The following VCL variants were observed in gnomAD, a reference collection of about 807,000 sequenced individuals.
VCL encodes the protein vinculin.
A neutral mutation model predicts 125.7 loss-of-function variants in VCL; 47 were observed. That is an observed-to-expected ratio of 0.37 (90% CI 0.30 to 0.48). The LOEUF (loss-of-function observed/expected upper bound fraction) is 0.48. Among genes scored for constraint, VCL ranks in the 20% least tolerant of loss-of-function variants. The pLI is 0.99. For synonymous variants in VCL, 458 were observed against 514.6 expected (o/e 0.89, Z 1.49); for missense variants, 1,069 against 1,455.5 (o/e 0.73, Z 4.32).
chr10:74,071,460 G>A lies in VCL; in HGVS notation c.499+377G>A, dbSNP rs2136273164. On this transcript the variant is annotated intron_variant, in intron 4 of 21. Transcript: ENST00000211998. This position sits in a 1 kb window ranked among gnomAD's most constrained non-coding sequence, Gnocchi z 4.1. ...GCCTGTAGTTCTTTATGACCTCTTA[G>A]CTTGCTAATTAGCCTGCCTACTATT... Among the ~76,000 whole-genome samples, 1 of 152,250 alleles carries A rather than the reference G, an allele frequency of 6.6e-6. No individual in the cohort carries two copies. Among genetic ancestry groups the A allele is most frequent in the East Asian group, 1.9e-4 (1 of 5,176 alleles).
intron 2 of VCL, among the ~76,000 whole-genome samples, chr10:74,047,471 G>T (rs1841213253): frequency 6.6e-6 from 1 of 152,216 alleles, no homozygotes; most frequent in South Asian, 2.1e-4. Flanking sequence ...TATTGAGTAG[G>T]ACATTCTTTT....
At position 74,043,163 on chromosome 10, in the gene VCL, T is replaced by G; in HGVS notation, c.239+10T>G. The G allele has an allele frequency of 6.2e-7, 1 of 1,608,644 alleles. No homozygotes were observed. Among genetic ancestry groups the G allele is most frequent in the African/African-American group, 1.3e-5 (1 of 74,960 alleles). On this transcript the variant is annotated intron_variant, in intron 2 of 21. Coordinates refer to ENST00000211998, the MANE Select transcript of VCL (RefSeq NM_014000.3). ...CACCAGCATTTATTAAGTGAGTAAT[T>G]GAAATATTCTTCTGTTGCTAAGCAG...
intron 1 of VCL, among the ~76,000 whole-genome samples, chr10:74,009,758 C>T (rs1040624064): frequency 3.3e-5 from 5 of 151,858 alleles, no homozygotes; most frequent in Middle Eastern, 3.2e-3. Context: ...TACAGGCATG[C>T]GTCACCACAC....
chr10:74,070,577 T>G (rs1302705145), intron 2 of VCL, 93 bp from the exon 3 acceptor site: 2 of 1,571,454 alleles, frequency 1.3e-6, no homozygotes, highest in East Asian at 2.2e-5. Flanking sequence ...GGAAAAAAAC[T>G]GTGAATTTAC....
chr10:74,055,431 G>T (rs2136259839), intron 2 of VCL, among the ~76,000 whole-genome samples: 1 of 151,992 alleles, frequency 6.6e-6, no homozygotes, highest in Non-Finnish European at 1.5e-5. Context: ...TGCAGCCTCA[G>T]CCTCCTGGGC....
chr10:74,054,493 GA>G (rs1246325437), intron 2 of VCL, among the ~76,000 whole-genome samples: 5 of 152,238 alleles, frequency 3.3e-5, no homozygotes, highest in Admixed American at 6.5e-5. Flanking sequence ...CTTCATAAGT[GA>G]AAAATATCCT....
intron 11 of VCL, 109 bp downstream of exon 11, chr10:74,094,570 G>A: frequency 1.5e-6 from 2 of 1,295,870 alleles, no homozygotes; most frequent in Non-Finnish European, 2.2e-6. Flanking sequence ...TTCTTTAGCT[G>A]CTGATAAGTA....
intron 1 of VCL, among the ~76,000 whole-genome samples, chr10:74,030,136 G>A (rs1840847502): frequency 6.6e-6 from 1 of 152,186 alleles, no homozygotes; most frequent in African/African-American, 2.4e-5. Context: ...GAGCCAAATA[G>A]GCAATGAGTG....
chr10:74,071,480 A>G lies in VCL; in HGVS notation c.499+397A>G, dbSNP rs115861591. On this transcript the variant is annotated intron_variant, in intron 4 of 21. Transcript: ENST00000211998. The surrounding 1 kb of genome is among the most constrained non-coding windows in gnomAD (Gnocchi z 4.1). ...TCTTAGCTTGCTAATTAGCCTGCCT[A>G]CTATTATGGATTCATGCCCTCACCC... Among the ~76,000 whole-genome samples, 120 of 152,294 alleles carry G rather than the reference A, an allele frequency of 7.9e-4. No individual in the cohort carries two copies. The highest frequency in any genetic ancestry group is 3.4e-3 in the Middle Eastern group (1 of 294).
intron 1 of VCL, among the ~76,000 whole-genome samples, chr10:74,027,055 C>T (rs955641198): frequency 5.3e-5 from 8 of 152,080 alleles, no homozygotes; most frequent in Non-Finnish European, 1.2e-4. Context: ...AATGCATTTG[C>T]AGTTCTAGCT....
chr10:74,005,633 T>A (rs1468734511), intron 1 of VCL, among the ~76,000 whole-genome samples: 3 of 152,166 alleles, frequency 2.0e-5, no homozygotes, highest in African/African-American at 7.2e-5. Context: ...TTTTTGGAGA[T>A]GGGCAGTTAT....
At chr10:74,075,511 G>A (rs1208796283) in intron 6 of VCL, 1 of 153,690 alleles carries the variant, frequency 6.5e-6, no homozygotes, top group African/African-American at 2.4e-5. Context: ...TCTAGAGCCT[G>A]TTAGCAGTGG....
intron 2 of VCL, among the ~76,000 whole-genome samples, chr10:74,064,717 C>T (rs770743451): frequency 9.9e-5 from 15 of 152,034 alleles, no homozygotes; most frequent in Non-Finnish European, 2.1e-4. Context: ...CACAAAGACA[C>T]TTTTAAGTGT....
At chr10:74,117,692 G>A (rs1430495106) in intron 21 of VCL, among the ~76,000 whole-genome samples, 1 of 152,216 alleles carries the variant, frequency 6.6e-6, no homozygotes. Flanking sequence ...AAGGTGACAA[G>A]TGAGCAAAGA....
intron 1 of VCL, among the ~76,000 whole-genome samples, chr10:73,998,789 C>G (rs1308792558): frequency 6.6e-6 from 1 of 152,232 alleles, no homozygotes; most frequent in Non-Finnish European, 1.5e-5. Flanking sequence ...TAGGCCTCCT[C>G]GATCTGGCTG....
intron 1 of VCL, among the ~76,000 whole-genome samples, chr10:74,032,570 C>T (rs1375773586): frequency 1.3e-5 from 2 of 151,830 alleles, no homozygotes; most frequent in East Asian, 1.9e-4. Flanking sequence ...CATGGTGGCT[C>T]ATGCCTGTAG....
intron 21 of VCL, among the ~76,000 whole-genome samples, chr10:74,115,494 G>A (rs1840297939): frequency 6.6e-6 from 1 of 152,200 alleles, no homozygotes; most frequent in Non-Finnish European, 1.5e-5. Context: ...GGTCTAGAGA[G>A]GTTAAGTGTC....
intron 6 of VCL, among the ~76,000 whole-genome samples, chr10:74,080,055 A>G (rs972939102): frequency 1.3e-5 from 2 of 152,192 alleles, no homozygotes; most frequent in African/African-American, 4.8e-5. Flanking sequence ...ACTGGCCATT[A>G]GAGCTTTATT....
chr10:74,098,204 C>A (rs1840000991), intron 13 of VCL, among the ~76,000 whole-genome samples: 1 of 152,116 alleles, frequency 6.6e-6, no homozygotes, highest in Admixed American at 6.5e-5. Flanking sequence ...CTCGTTTGTT[C>A]CAGTCTTCTC....
Sources: gnomAD v4.1 joint callset for allele counts (sites outside exome capture counted in the v4.1 genomes callset) on GRCh38, gnomAD v4.1.1 for gene constraint, Gnocchi (gnomAD v3.1) non-coding constraint, MANE v1.5 for transcripts, NCBI Gene and HGNC (gene_info 2026-07-23, HGNC 2026-07-21) for gene names.